Variants in EPHB2 observed in about 807,000 individuals in gnomAD.
The protein encoded by EPHB2 is ephrin type-B receptor 2.
Under a neutral mutation model 96.4 loss-of-function variants are expected in EPHB2, and 18 were observed. That is an observed-to-expected ratio of 0.19 (90% CI 0.13 to 0.28). The LOEUF is 0.28. Ranked by LOEUF, EPHB2 falls within the 10% of genes least tolerant of loss-of-function variation. The probability of loss-of-function intolerance (pLI) is 1.00; values close to 1 mark genes in which losing one functional copy is unlikely to be tolerated. For synonymous variants in EPHB2, 506 were observed against 534.1 expected, an observed-to-expected ratio of 0.95 and a Z score of 0.72; for missense variants, 989 against 1,355.4, an observed-to-expected ratio of 0.73 and a Z score of 4.25.
At chr1:22,911,179 T>TA (rs1352184983) in intron 14 of EPHB2, among the ~76,000 whole-genome samples, 9,652 of 151,384 alleles carry the variant, frequency 0.064, 1,024 homozygotes, top group African/African-American at 0.22. Flanking sequence ...AATAAATAAA[T>TA]AATTACCAAA....
intron 1 of EPHB2, among the ~76,000 whole-genome samples, chr1:22,721,610 C>CT (rs1247494288): frequency 3.3e-5 from 5 of 152,070 alleles, no homozygotes; most frequent in African/African-American, 7.2e-5. Flanking sequence ...TTGCAAAGTT[C>CT]TTTTTTTTCC....
chr1:22,921,353 T>G lies in EPHB2; in HGVS notation c.*7783T>G, dbSNP rs1032665972. On this transcript the variant is annotated 3_prime_UTR_variant, in exon 16 of 16. Coordinates refer to ENST00000374630, the MANE Select transcript of EPHB2 (RefSeq NM_017449.5). Reference sequence around the variant, plus strand: ...GGTTCCAACCGCCGTGGGTCAGACCTGGCTCCTCCGGACCCCACTGCTGTG... The same window carrying G: ...GGTTCCAACCGCCGTGGGTCAGACCGGGCTCCTCCGGACCCCACTGCTGTG... 2 of 152,222 alleles carry G rather than the reference T, an allele frequency of 1.3e-5. No homozygotes were observed. Among genetic ancestry groups the G allele is most frequent in the African/African-American group, 4.8e-5 (2 of 41,454 alleles). 9.4% of individuals were successfully genotyped at this position (152,222 alleles called of 1,614,324 possible).
chr1:22,819,205 GTCTC>G (rs71020453), intron 3 of EPHB2, among the ~76,000 whole-genome samples: 5,981 of 103,342 alleles, frequency 0.058, 173 homozygotes, highest in Admixed American at 0.11. Flanking sequence ...CCCAGCAGAT[GTCTC>G]TCTCTCTCTC....
chr1:22,907,252 C>T (rs1319705964), intron 11 of EPHB2, among the ~76,000 whole-genome samples: 1 of 152,202 alleles, frequency 6.6e-6, no homozygotes, highest in African/African-American at 2.4e-5. Context: ...CATTCCTGCT[C>T]TTAGCCAGCC....
chr1:22,802,294 T>C (rs1186633771), intron 3 of EPHB2, among the ~76,000 whole-genome samples: 4 of 151,328 alleles, frequency 2.6e-5, no homozygotes, highest in Non-Finnish European at 5.9e-5. Context: ...GTGTCTACAG[T>C]GGAGTGGGCA....
At chr1:22,863,356 G>A in intron 4 of EPHB2, 164 bp downstream of exon 4, 1 of 1,116,952 alleles carries the variant, frequency 9.0e-7, no homozygotes, top group Non-Finnish European at 1.3e-6. Context: ...GGGTGGCCAT[G>A]CTCCCACCTT....
chr1:22,861,702 C>T (rs1353847349), intron 3 of EPHB2, among the ~76,000 whole-genome samples: 2 of 152,082 alleles, frequency 1.3e-5, no homozygotes, highest in Non-Finnish European at 2.9e-5. Context: ...AAGGCAGGGT[C>T]TCTGAGGCCA....
intron 3 of EPHB2, among the ~76,000 whole-genome samples, chr1:22,854,338 C>T (rs1239574945): frequency 6.6e-6 from 1 of 152,130 alleles, no homozygotes; most frequent in East Asian, 1.9e-4. Flanking sequence ...TAATGAAACC[C>T]CATCTCTACA....
chr1:22,874,933 C>T (rs985467000), intron 5 of EPHB2, among the ~76,000 whole-genome samples: 5 of 152,108 alleles, frequency 3.3e-5, no homozygotes, highest in Non-Finnish European at 5.9e-5. Flanking sequence ...TGGGTTAAAC[C>T]GAGTTAACTG....
chr1:22,891,800 T>TG (rs34886654), intron 6 of EPHB2, among the ~76,000 whole-genome samples: 65,129 of 147,308 alleles, frequency 0.44, 14,932 homozygotes, highest in Admixed American at 0.51. Flanking sequence ...TTTTTGTTGT[T>TG]GTTGTATTTT....
intron 3 of EPHB2, among the ~76,000 whole-genome samples, chr1:22,852,629 A>T (rs1645639314): frequency 6.6e-6 from 1 of 152,174 alleles, no homozygotes; most frequent in African/African-American, 2.4e-5. Context: ...CCAGGCCATG[A>T]AACACCCTCA....
intron 1 of EPHB2, among the ~76,000 whole-genome samples, chr1:22,767,711 C>T (rs1294739448): frequency 1.3e-5 from 2 of 152,168 alleles, no homozygotes; most frequent in Non-Finnish European, 1.5e-5. Flanking sequence ...CCCTCTTCCC[C>T]CTGTGTCTTC....
intron 9 of EPHB2, 45 bp downstream of exon 9, chr1:22,896,523 G>C: frequency 6.2e-7 from 1 of 1,612,654 alleles, no homozygotes; most frequent in Non-Finnish European, 8.5e-7. Context: ...GCCCTTCACT[G>C]TCGGTTCCCC....
intron 5 of EPHB2, among the ~76,000 whole-genome samples, chr1:22,877,118 C>G (rs539916700): frequency 7.9e-5 from 12 of 152,264 alleles, no homozygotes; most frequent in African/African-American, 2.6e-4. Flanking sequence ...CTCGGAGGTC[C>G]GCTGGTTTCC....
intron 1 of EPHB2, among the ~76,000 whole-genome samples, chr1:22,726,139 G>A (rs1385065426): frequency 6.6e-6 from 1 of 152,192 alleles, no homozygotes; most frequent in Non-Finnish European, 1.5e-5. Context: ...GAGAATCAAT[G>A]TTCTGATGGC....
At chr1:22,738,370 AAC>A (rs777694386) in intron 1 of EPHB2, among the ~76,000 whole-genome samples, 49 of 152,334 alleles carry the variant, frequency 3.2e-4, no homozygotes, top group Admixed American at 1.2e-3. Flanking sequence ...TCATGAGAAT[AAC>A]AGTTTCTATC....
chr1:22,881,493 G>A (rs909612188), intron 5 of EPHB2, among the ~76,000 whole-genome samples: 1 of 152,174 alleles, frequency 6.6e-6, no homozygotes, highest in African/African-American at 2.4e-5. Context: ...GGAAGTTGAG[G>A]CTACAGTGAG....
intron 3 of EPHB2, among the ~76,000 whole-genome samples, chr1:22,818,978 A>C: frequency 6.9e-6 from 1 of 144,304 alleles, no homozygotes; most frequent in African/African-American, 2.6e-5. Context: ...CCCAACCCCA[A>C]CCTAGGCTCC....
chr1:22,774,604 C>G, intron 1 of EPHB2: 1 of 985,280 alleles, frequency 1.0e-6, no homozygotes, highest in Non-Finnish European at 1.2e-6. Context: ...TTTTGGATGG[C>G]TGGATACGAG....
Sources: gnomAD v4.1 joint callset for allele counts (sites outside exome capture counted in the v4.1 genomes callset) on GRCh38, gnomAD v4.1.1 for gene constraint, MANE v1.5 for transcripts, NCBI Gene and HGNC (gene_info 2026-07-23, HGNC 2026-07-21) for gene names.